GAB1: variants seen among roughly 807,000 people sequenced by gnomAD.
GAB1 encodes GRB2 associated binding protein 1, also known as GRB2-associated-binding protein 1.
GAB1 carries 19 observed loss-of-function variants against 66.5 expected under a neutral mutation model. The observed-to-expected ratio is 0.29, with a 90% CI of 0.20 to 0.42. The LOEUF is 0.42. Among genes scored for constraint, GAB1 ranks in the 10% least tolerant of loss-of-function variants. The probability of loss-of-function intolerance (pLI) is 1.00; values close to 1 mark genes in which losing one functional copy is unlikely to be tolerated. For missense variants in GAB1, 732 were observed against 858.5 expected (o/e 0.85, Z 1.84); for synonymous variants, 294 against 301.4 (o/e 0.98, Z 0.25).
intron 1 of GAB1, among the ~76,000 whole-genome samples, chr4:143,406,243 G>A (rs759031947): frequency 1.3e-5 from 2 of 152,064 alleles, no homozygotes; most frequent in African/African-American, 2.4e-5. Context: ...TGGTGCCTAG[G>A]TATTTAGCCA....
chr4:143,378,758 C>T (rs1231349787), intron 1 of GAB1, among the ~76,000 whole-genome samples: 1 of 151,732 alleles, frequency 6.6e-6, no homozygotes, highest in Non-Finnish European at 1.5e-5. Context: ...GGTTATACGA[C>T]AGAGCTCATA....
rs28924085 is a variant in GAB1, at chr4:143,471,223, T to C, written c.*2034T>C. On this transcript the variant is annotated 3_prime_UTR_variant, in exon 10 of 10. Coordinates refer to ENST00000262994, the MANE Select transcript of GAB1 (RefSeq NM_002039.4). ...TAATGAATGTTTTTAGTCTAACTTA[T>C]CATTAACTTTTTACAAGTCACCATA... 6.6e-6 allele frequency: 1 copy of C among 152,294 alleles called. No homozygotes were observed. Among genetic ancestry groups the C allele is most frequent in the East Asian group, 1.9e-4 (1 of 5,186 alleles). 9.4% of individuals were successfully genotyped at this position (152,294 alleles called of 1,614,324 possible). A position where few individuals can be genotyped will look rare whatever the true frequency, so the allele number is the denominator to read the frequency against.
chr4:143,432,576 A>T (rs943427611), intron 2 of GAB1, among the ~76,000 whole-genome samples: 2 of 150,444 alleles, frequency 1.3e-5, no homozygotes, highest in African/African-American at 5.0e-5. Context: ...GTTTCAACCC[A>T]GCTTTTTCTG....
chr4:143,337,039 G>T lies in GAB1; in HGVS notation c.-150G>T, dbSNP rs918344781. The T allele has an allele frequency of 4.7e-6, 3 of 644,772 alleles. No homozygotes were observed. Among genetic ancestry groups the T allele is most frequent in the Non-Finnish European group, 8.0e-6 (3 of 372,802 alleles). The allele number at this position is 644,772 out of a possible 1,614,324, so 39.9% of individuals were successfully genotyped here. A position where few individuals can be genotyped will look rare whatever the true frequency, so the allele number is the denominator to read the frequency against. ...AGAGACTCGAACTCGTGGAACCCGC[G>T]CACCGTGGAGTCTGTCCGCCCAGTC... On this transcript the variant is annotated 5_prime_UTR_variant, in exon 1 of 10. Coordinates refer to ENST00000262994, the MANE Select transcript of GAB1 (RefSeq NM_002039.4).
At chr4:143,391,197 T>C (rs894904723) in intron 1 of GAB1, among the ~76,000 whole-genome samples, 3 of 152,148 alleles carry the variant, frequency 2.0e-5, no homozygotes, top group Non-Finnish European at 4.4e-5. Flanking sequence ...CAAGTAACAG[T>C]CTAAATGTCT....
At chr4:143,421,421 A>G (rs191823841) in intron 2 of GAB1, among the ~76,000 whole-genome samples, 4 of 152,160 alleles carry the variant, frequency 2.6e-5, no homozygotes, top group Admixed American at 2.6e-4. Context: ...ACCCATGAGT[A>G]TAATAACTGT....
At position 143,393,273 on chromosome 4, in the gene GAB1, T is replaced by C. The variant is rs538720438; in HGVS notation, c.73-22204T>C. Among the ~76,000 whole-genome samples, 26 of 150,974 alleles carry C rather than the reference T, an allele frequency of 1.7e-4. No individual in the cohort carries two copies. In the South Asian group the frequency reaches 5.3e-3, roughly 31 times the overall value. On this transcript the variant is annotated intron_variant, in intron 1 of 9. Coordinates refer to ENST00000262994, the MANE Select transcript of GAB1 (RefSeq NM_002039.4). ...AAAAAAGAATATGAGACAGAAACCA[T>C]GTGTGTAGCCTACAAAACCTAAAAT...
intron 1 of GAB1, chr4:143,350,149 T>A (rs1729143490): frequency 1.2e-6 from 1 of 802,392 alleles, no homozygotes; most frequent in Non-Finnish European, 2.0e-6. Context: ...AGCTGATTTT[T>A]AAAAGAAAAT....
intron 1 of GAB1, among the ~76,000 whole-genome samples, chr4:143,338,737 CAGAG>C (rs1413846057): frequency 1.2e-5 from 1 of 81,102 alleles, no homozygotes; most frequent in Non-Finnish European, 2.4e-5. Flanking sequence ...GTGTATGTGA[CAGAG>C]AAGGAAGGGA....
At chr4:143,404,980 T>G (rs1218992090) in intron 1 of GAB1, among the ~76,000 whole-genome samples, 1 of 152,236 alleles carries the variant, frequency 6.6e-6, no homozygotes, top group Admixed American at 6.5e-5. Flanking sequence ...AGAATTTGCC[T>G]CTGTGCAGGA....
At chr4:143,413,348 C>T (rs1172997036) in intron 1 of GAB1, among the ~76,000 whole-genome samples, 3 of 152,008 alleles carry the variant, frequency 2.0e-5, no homozygotes, top group Non-Finnish European at 2.9e-5. Flanking sequence ...TTTTATAGTC[C>T]AGAAAACAGT....
chr4:143,447,699 G>C (rs552751062), intron 6 of GAB1, among the ~76,000 whole-genome samples: 3 of 152,182 alleles, frequency 2.0e-5, no homozygotes, highest in African/African-American at 7.2e-5. Flanking sequence ...TGAGACAATG[G>C]GGTTTTCTAG....
At chr4:143,402,883 T>C (rs1034367162) in intron 1 of GAB1, among the ~76,000 whole-genome samples, 3 of 152,344 alleles carry the variant, frequency 2.0e-5, no homozygotes, top group Admixed American at 2.0e-4. Context: ...TTTAAATTGC[T>C]GTAAACATGT....
At chr4:143,426,633 G>A (rs1733372515) in intron 2 of GAB1, among the ~76,000 whole-genome samples, 1 of 152,212 alleles carries the variant, frequency 6.6e-6, no homozygotes, top group South Asian at 2.1e-4. Context: ...TCTGCAATGT[G>A]TAATGCACAA....
intron 3 of GAB1, among the ~76,000 whole-genome samples, chr4:143,434,793 A>G (rs533326364): frequency 2.6e-5 from 4 of 152,252 alleles, no homozygotes; most frequent in African/African-American, 7.2e-5. Flanking sequence ...CTTCTAAGCT[A>G]TAAGGCATTT....
At chr4:143,386,410 A>G (rs963838220) in intron 1 of GAB1, among the ~76,000 whole-genome samples, 3 of 152,202 alleles carry the variant, frequency 2.0e-5, no homozygotes, top group South Asian at 4.1e-4. Context: ...TTTTTAAGAC[A>G]GAGTCCTATT....
chr4:143,371,560 C>A (rs1400102475), intron 1 of GAB1, among the ~76,000 whole-genome samples: 1 of 152,136 alleles, frequency 6.6e-6, no homozygotes, highest in Non-Finnish European at 1.5e-5. Context: ...TTAATTAGAT[C>A]CCATTTGTCA....
At chr4:143,420,947 C>A (rs1732980860) in intron 2 of GAB1, among the ~76,000 whole-genome samples, 1 of 151,902 alleles carries the variant, frequency 6.6e-6, no homozygotes. Flanking sequence ...GTGAAGGGCA[C>A]AGATCTTAAG....
chr4:143,370,602 A>C (rs1228531888), intron 1 of GAB1, among the ~76,000 whole-genome samples: 1 of 152,026 alleles, frequency 6.6e-6, no homozygotes, highest in African/African-American at 2.4e-5. Flanking sequence ...ACAACGTGCA[A>C]GTTTGTTACA....
Sources: gnomAD v4.1 joint callset for allele counts (sites outside exome capture counted in the v4.1 genomes callset) on GRCh38, gnomAD v4.1.1 for gene constraint, MANE v1.5 for transcripts, NCBI Gene and HGNC (gene_info 2026-07-23, HGNC 2026-07-21) for gene names.